OPCML: variants seen among roughly 807,000 people sequenced by gnomAD.
OPCML encodes opioid-binding protein/cell adhesion molecule.
A neutral mutation model predicts 37.8 loss-of-function variants in OPCML; 13 were observed. The observed-to-expected ratio is 0.34, with a 90% CI of 0.22 to 0.55. The LOEUF (loss-of-function observed/expected upper bound fraction) is 0.55. Among genes scored for constraint, OPCML ranks in the 20% least tolerant of loss-of-function variants. The pLI is 0.91. For missense variants in OPCML, 341 were observed against 435.6 expected (o/e 0.78, Z 1.93); for synonymous variants, 176 against 168.8 (o/e 1.04, Z -0.33).
At chr11:132,465,077 A>G (rs969893205) in intron 4 of OPCML, among the ~76,000 whole-genome samples, 4 of 152,196 alleles carry the variant, frequency 2.6e-5, no homozygotes, top group Admixed American at 2.0e-4. Context: ...TGGATCTGCC[A>G]CATTCTTTTT....
At chr11:132,845,241 A>G (rs1052431644) in intron 2 of OPCML, among the ~76,000 whole-genome samples, 1 of 152,010 alleles carries the variant, frequency 6.6e-6, no homozygotes, top group Non-Finnish European at 1.5e-5. Context: ...TTTTCTCCTA[A>G]TAAAGTCAGC....
At chr11:132,662,348 A>G (rs1942010215) in intron 2 of OPCML, among the ~76,000 whole-genome samples, 1 of 152,168 alleles carries the variant, frequency 6.6e-6, no homozygotes, top group Non-Finnish European at 1.5e-5. Context: ...TGAAAATTAA[A>G]ATCAATTGGC....
At chr11:133,082,943 G>C (rs562152560) in intron 1 of OPCML, among the ~76,000 whole-genome samples, 1 of 150,688 alleles carries the variant, frequency 6.6e-6, no homozygotes, top group South Asian at 2.1e-4. Flanking sequence ...CGGACGTCGC[G>C]CCAGTGCCTC....
chr11:133,242,563 G>T (rs745602747), intron 1 of OPCML, among the ~76,000 whole-genome samples: 8 of 152,112 alleles, frequency 5.3e-5, no homozygotes, highest in Non-Finnish European at 1.0e-4. Flanking sequence ...GGTGCCTCCT[G>T]GTGCCTCTCC....
intron 1 of OPCML, among the ~76,000 whole-genome samples, chr11:133,342,001 CT>C (rs1943881110): frequency 6.6e-6 from 1 of 152,128 alleles, no homozygotes; most frequent in South Asian, 2.1e-4. Context: ...GAACAGCACT[CT>C]TTCTTGAGTC....
At chr11:132,748,361 T>G (rs1395780224) in intron 2 of OPCML, among the ~76,000 whole-genome samples, 1 of 152,132 alleles carries the variant, frequency 6.6e-6, no homozygotes, top group East Asian at 1.9e-4. Flanking sequence ...ATGCCCGCTT[T>G]CTGTAAGCTC....
chr11:133,200,036 C>T (rs1210714377), intron 1 of OPCML, among the ~76,000 whole-genome samples: 1 of 152,186 alleles, frequency 6.6e-6, no homozygotes, highest in Non-Finnish European at 1.5e-5. Context: ...ACGTCCCGCC[C>T]TCCATCCAGC....
chr11:132,778,200 C>T (rs1946873193), intron 2 of OPCML, among the ~76,000 whole-genome samples: 1 of 152,200 alleles, frequency 6.6e-6, no homozygotes, highest in African/African-American at 2.4e-5. Flanking sequence ...GCCAAGTGTT[C>T]TCTGTTGGTA....
chr11:132,560,794 C>T (rs1424182232), intron 3 of OPCML, among the ~76,000 whole-genome samples: 1 of 151,950 alleles, frequency 6.6e-6, no homozygotes, highest in Non-Finnish European at 1.5e-5. Context: ...TTCTTGAGTT[C>T]TTTGTACATT....
intron 2 of OPCML, among the ~76,000 whole-genome samples, chr11:132,827,050 T>C (rs973229716): frequency 6.6e-6 from 1 of 152,226 alleles, no homozygotes; most frequent in Admixed American, 6.5e-5. Flanking sequence ...GAATTTCTCT[T>C]GTTCCATGGT....
intron 1 of OPCML, among the ~76,000 whole-genome samples, chr11:133,452,195 T>C (rs1374395254): frequency 6.6e-6 from 1 of 151,568 alleles, no homozygotes; most frequent in East Asian, 1.9e-4. Flanking sequence ...ATGGAATCAG[T>C]AGACAAGTAT....
intron 4 of OPCML, among the ~76,000 whole-genome samples, chr11:132,490,343 C>T (rs2096211826): frequency 6.6e-6 from 1 of 152,046 alleles, no homozygotes; most frequent in South Asian, 2.1e-4. Context: ...TGGTTCTCCT[C>T]CTACTTCACT....
chr11:132,981,147 C>A (rs989251232), intron 1 of OPCML, among the ~76,000 whole-genome samples: 4 of 152,224 alleles, frequency 2.6e-5, no homozygotes, highest in Non-Finnish European at 4.4e-5. Context: ...TTACGCAGTG[C>A]ATGGTTGTAT....
chr11:133,267,660 C>T (rs1375767396), intron 1 of OPCML, among the ~76,000 whole-genome samples: 5 of 152,024 alleles, frequency 3.3e-5, no homozygotes, highest in Non-Finnish European at 5.9e-5. Flanking sequence ...GTGTCCCTAC[C>T]CAAATCTCAT....
chr11:132,529,760 TCC>T (rs2096318993), intron 3 of OPCML, among the ~76,000 whole-genome samples: 1 of 152,174 alleles, frequency 6.6e-6, no homozygotes, highest in Non-Finnish European at 1.5e-5. Context: ...TTAAGACACA[TCC>T]TTTAAAACTC....
At chr11:133,140,341 A>G (rs1186173097) in intron 1 of OPCML, among the ~76,000 whole-genome samples, 3 of 149,312 alleles carry the variant, frequency 2.0e-5, no homozygotes, top group African/African-American at 7.4e-5. Context: ...GTGAAATGCC[A>G]TCTCTACTAA....
chr11:132,920,925 C>A (rs1944770849), intron 2 of OPCML, among the ~76,000 whole-genome samples: 1 of 152,170 alleles, frequency 6.6e-6, no homozygotes, highest in Non-Finnish European at 1.5e-5. Context: ...CTCCTGTCTT[C>A]CAGCCAGTCC....
At chr11:132,614,243 G>T (rs529733132) in intron 3 of OPCML, among the ~76,000 whole-genome samples, 6 of 152,102 alleles carry the variant, frequency 3.9e-5, no homozygotes, top group African/African-American at 1.2e-4. Context: ...TCCCTTTCCT[G>T]GAACACCCAT....
At chr11:132,789,247 G>A (rs2136173745) in intron 2 of OPCML, among the ~76,000 whole-genome samples, 1 of 152,284 alleles carries the variant, frequency 6.6e-6, no homozygotes, top group Non-Finnish European at 1.5e-5. Flanking sequence ...TTTATTTCAT[G>A]TCTGGCTTCA....
Sources: gnomAD v4.1 joint callset for allele counts (sites outside exome capture counted in the v4.1 genomes callset) on GRCh38, gnomAD v4.1.1 for gene constraint, MANE v1.5 for transcripts, NCBI Gene and HGNC (gene_info 2026-07-23, HGNC 2026-07-21) for gene names.